Variants in UGGT2 observed in about 807,000 individuals in gnomAD.
UGGT2 encodes the protein UDP-glucose glycoprotein glucosyltransferase 2, also known as UDP-glucose:glycoprotein glucosyltransferase 2.
Under a neutral mutation model 192.1 loss-of-function variants are expected in UGGT2, and 180 were observed. That is an observed-to-expected ratio of 0.94 (90% CI 0.83 to 1.06). The LOEUF (loss-of-function observed/expected upper bound fraction) is 1.06. UGGT2 is among the 50% of genes least tolerant of loss of function. The pLI, the probability that UGGT2 is intolerant of heterozygous loss-of-function variation, is 0.00. For missense variants in UGGT2, 1,849 were observed against 1,795.7 expected (o/e 1.03, Z -0.54); for synonymous variants, 580 against 591.0 (o/e 0.98, Z 0.27).
In UGGT2 at chr13:95,972,629, G is replaced by C. The variant is rs771762130; in HGVS notation, c.1135C>G (p.Leu379Val). 6.2e-7 allele frequency: 1 copy of C among 1,613,830 alleles called. No homozygotes were observed. The highest frequency in any genetic ancestry group is 8.5e-7 in the Non-Finnish European group (1 of 1,179,842). The part of the protein sequence containing the change: ...RFKIQPGDAR[L>V]FINGLRVDMD... ...TCAACACGAAGGCCATTTATAAATA[G>C]ACGAGCATCGCCTGGCTGAATTTTA... is the stretch of plus-strand genomic sequence containing the variant. Residue 379 changes from leucine to valine, a missense_variant, in exon 11 of 39, where the codon CTA becomes GTA. Transcript: ENST00000376747.
chr13:96,007,406 C>G (rs998892431), intron 5 of UGGT2, among the ~76,000 whole-genome samples: 7 of 152,034 alleles, frequency 4.6e-5, no homozygotes, highest in African/African-American at 1.7e-4. Context: ...CAAGAATGCC[C>G]CCTTTCACTA....
In UGGT2 at chr13:95,856,202, A is replaced by G; in HGVS notation, c.3964T>C (p.Phe1322Leu). ...ATGATTTTGTCCACTGCTAGTGGGAAAAGAACATCAAGGAAAAGAATTTTG... is the reference window on the plus strand; with the variant it reads ...ATGATTTTGTCCACTGCTAGTGGGAGAAGAACATCAAGGAAAAGAATTTTG... The part of the protein sequence containing the change: ...GYKILFLDVL[F>L]PLAVDKIIFV... Residue 1322 changes from phenylalanine (F) to leucine (L), a missense_variant, in exon 34 of 39, where the codon TTC becomes CTC. By Grantham distance (22) the Phe-to-Leu change is conservative (BLOSUM62 0). Transcript: ENST00000376747. The G allele has an allele frequency of 6.2e-7, 1 of 1,613,448 alleles. No individual in the cohort carries two copies. The highest frequency in any genetic ancestry group is 2.2e-5 in the East Asian group (1 of 44,814).
intron 29 of UGGT2, among the ~76,000 whole-genome samples, chr13:95,868,597 CACAAAACAAAACAAA>C (rs143644747): frequency 6.6e-5 from 10 of 152,032 alleles, no homozygotes; most frequent in Non-Finnish European, 1.3e-4. Flanking sequence ...GAGACCCTGT[CACAAAACAAAACAAA>C]ACAAAACAAA....
chr13:95,947,882 A>T (rs2049930338), intron 14 of UGGT2, 114 bp downstream of exon 14: 1 of 735,648 alleles, frequency 1.4e-6, no homozygotes. Context: ...GTGTTATGTC[A>T]GGCACTAGAG....
At chr13:95,966,267 G>C (rs1223728660) in intron 12 of UGGT2, among the ~76,000 whole-genome samples, 1 of 152,156 alleles carries the variant, frequency 6.6e-6, no homozygotes, top group Non-Finnish European at 1.5e-5. Flanking sequence ...GGAGGTCACT[G>C]TGTTAAGTGA....
intron 38 of UGGT2, among the ~76,000 whole-genome samples, chr13:95,810,147 T>C (rs1884509870): frequency 6.6e-6 from 1 of 152,214 alleles, no homozygotes; most frequent in African/African-American, 2.4e-5. Flanking sequence ...TTTTGTAATA[T>C]CATGGCTTTC....
rs373377021 is a variant in UGGT2, at chr13:95,902,861, A to C, written c.2495T>G (p.Leu832Arg). The part of the protein sequence containing the change: ...IYSGDKIKTF[L>R]IEGMDKNAFE... ...TTTCAAATAGCTACTGACCTCAATA[A>C]GGAATGTTTTAATTTTATCTCCAGA... Residue 832 changes from leucine to arginine, a missense_variant, in exon 21 of 39, where the codon CTT becomes CGT. Transcript: ENST00000376747. 3.3e-5 allele frequency: 53 copies of C among 1,612,550 alleles called. No homozygotes were observed. The African/African-American group carries it at 6.5e-4, about 20-fold the overall frequency.
intron 4 of UGGT2, among the ~76,000 whole-genome samples, chr13:96,022,248 T>C (rs1246747442): frequency 6.6e-6 from 1 of 151,980 alleles, no homozygotes; most frequent in Non-Finnish European, 1.5e-5. Flanking sequence ...TACAGATAGA[T>C]TAAAAGTTTA....
intron 11 of UGGT2, 108 bp downstream of exon 11, chr13:95,972,471 AT>A (rs1300054267): frequency 5.5e-5 from 55 of 1,009,042 alleles, no homozygotes; most frequent in Middle Eastern, 3.3e-4. Flanking sequence ...AATCAAAAAC[AT>A]GTATTTATCT....
intron 38 of UGGT2, among the ~76,000 whole-genome samples, chr13:95,819,961 C>T (rs1398547295): frequency 1.3e-5 from 2 of 152,250 alleles, no homozygotes; most frequent in Admixed American, 6.5e-5. Flanking sequence ...AGTTTAAGAC[C>T]AGCTTGACCT....
intron 5 of UGGT2, among the ~76,000 whole-genome samples, chr13:96,002,427 C>T (rs978591653): frequency 6.6e-6 from 1 of 152,214 alleles, no homozygotes; most frequent in Non-Finnish European, 1.5e-5. Context: ...TTTTACATCT[C>T]TTGCCACTAA....
At chr13:95,860,107 T>C (rs1046511747) in intron 32 of UGGT2, among the ~76,000 whole-genome samples, 1 of 152,026 alleles carries the variant, frequency 6.6e-6, no homozygotes, top group Non-Finnish European at 1.5e-5. Context: ...ATGGAAAGGA[T>C]ACAAATGAAT....
At chr13:96,002,436 A>G (rs1287094565) in intron 5 of UGGT2, among the ~76,000 whole-genome samples, 1 of 152,214 alleles carries the variant, frequency 6.6e-6, no homozygotes, top group Non-Finnish European at 1.5e-5. Context: ...TCTTGCCACT[A>G]AAATTGAAGT....
At chr13:96,031,994 C>G (rs375580240) in intron 1 of UGGT2, 23 bp from the exon 2 acceptor site, 2 of 1,543,604 alleles carry the variant, frequency 1.3e-6, no homozygotes, top group South Asian at 2.3e-5. Flanking sequence ...TAGAAGTAAT[C>G]GGTTAGTAGA....
At chr13:95,916,968 A>G (rs1206534961) in intron 20 of UGGT2, among the ~76,000 whole-genome samples, 1 of 152,204 alleles carries the variant, frequency 6.6e-6, no homozygotes, top group African/African-American at 2.4e-5. Flanking sequence ...GTTGAAAAAC[A>G]TACTTGAGGA....
At chr13:95,846,493 TAAC>T (rs1888477089) in intron 36 of UGGT2, among the ~76,000 whole-genome samples, 1 of 152,208 alleles carries the variant, frequency 6.6e-6, no homozygotes, top group Non-Finnish European at 1.5e-5. Flanking sequence ...AAAACTTTGT[TAAC>T]AATTTTTACA....
At chr13:95,930,760 T>A (rs1402918160) in intron 17 of UGGT2, among the ~76,000 whole-genome samples, 1 of 151,796 alleles carries the variant, frequency 6.6e-6, no homozygotes, top group African/African-American at 2.4e-5. Flanking sequence ...TCGCGGTGAG[T>A]GTTACAGTTC....
At chr13:95,964,304 TACAG>T (rs2050497381) in intron 12 of UGGT2, among the ~76,000 whole-genome samples, 1 of 152,162 alleles carries the variant, frequency 6.6e-6, no homozygotes, top group Non-Finnish European at 1.5e-5. Flanking sequence ...ACTTACCATG[TACAG>T]AAATCAACTC....
In UGGT2 at chr13:95,983,787, A is replaced by C; in HGVS notation, c.1092+17T>G. 4 of 1,510,488 alleles carry C rather than the reference A, an allele frequency of 2.6e-6. No homozygotes were observed. The South Asian group carries it at 5.0e-5, about 19-fold the overall frequency. 93.6% of individuals were successfully genotyped at this position (1,510,488 alleles called of 1,614,324 possible). Reference sequence around the variant, plus strand: ...TATTAGTTGGGTAAATGTTTTAAAAAAGGAATTCAAACAAACCTTTTGATT... The same window carrying C: ...TATTAGTTGGGTAAATGTTTTAAAACAGGAATTCAAACAAACCTTTTGATT... On this transcript the variant is annotated intron_variant, in intron 10 of 38. Transcript: ENST00000376747.
Sources: gnomAD v4.1 joint callset for allele counts (sites outside exome capture counted in the v4.1 genomes callset) on GRCh38, gnomAD v4.1.1 for gene constraint, MANE v1.5 for transcripts, NCBI Gene and HGNC (gene_info 2026-07-23, HGNC 2026-07-21) for gene names.